The following CLDN14 variants were observed in gnomAD, a reference collection of about 807,000 sequenced individuals.
CLDN14 encodes the protein claudin 14, also known as claudin-14.
Under a neutral mutation model 2.1 loss-of-function variants are expected in CLDN14, and 2 were observed. The observed-to-expected ratio is 0.96, with a 90% CI of 0.39 to 3.01. The LOEUF (loss-of-function observed/expected upper bound fraction) is 3.01, where lower values mean the gene tolerates loss of function less well. CLDN14 is among the 30% of genes most tolerant of loss of function. The pLI is 0.09. For missense variants in CLDN14, 298 were observed against 328.0 expected (o/e 0.91, Z 0.71); for synonymous variants, 136 against 154.4 (o/e 0.88, Z 0.88).
chr21:36,539,734 GTA>G (rs2087468782), intron 1 of CLDN14, among the ~76,000 whole-genome samples: 1 of 150,112 alleles, frequency 6.7e-6, no homozygotes, highest in African/African-American at 2.5e-5. Flanking sequence ...TGTGGAGTGA[GTA>G]TGTGTGCGGA....
chr21:36,481,988 A>C (rs117271359), upstream of CLDN14, among the ~76,000 whole-genome samples: 1,294 of 152,238 alleles, frequency 8.5e-3, 11 homozygotes, highest in Non-Finnish European at 0.014. Context: ...GCTGGTCCCG[A>C]GTCTCCAGCC....
intron 1 of CLDN14, among the ~76,000 whole-genome samples, chr21:36,470,309 C>T (rs2086695082): frequency 6.6e-6 from 1 of 152,038 alleles, no homozygotes; most frequent in African/African-American, 2.4e-5. Context: ...ATAGAGTGGC[C>T]CCTAAGCCAA....
intron 2 of CLDN14, chr21:36,485,913 C>T (rs1182943714): frequency 1.3e-5 from 11 of 850,732 alleles, no homozygotes; most frequent in Admixed American, 5.3e-5. Context: ...AGATAACACA[C>T]ATCTAACCCT....
Position 36,515,217 on chromosome 21 carries a change from A to G in CLDN14, c.-219-4717T>C, listed in dbSNP as rs187797199. On this transcript the variant is annotated intron_variant, in intron 1 of 2. Transcript: ENST00000342108. ...AATTCCGCTGCTGGATACATGCCCA[A>G]AAGAGTGAACGCAGAGACTCAAACA... Among the ~76,000 whole-genome samples the G allele has an allele frequency of 7.2e-5, 11 of 152,320 alleles. No individual in the cohort carries two copies. The East Asian group carries it at 2.1e-3, about 29-fold the overall frequency.
rs533179551 is a variant in CLDN14 at position 36,574,430 on chromosome 21, C to T, written c.-220+1981G>A. Among the ~76,000 whole-genome samples the T allele has an allele frequency of 4.6e-5, 7 of 152,264 alleles. No homozygotes were observed. In the South Asian group the frequency reaches 8.3e-4, roughly 18 times the overall value. On this transcript the variant is annotated intron_variant, in intron 1 of 2. Transcript: ENST00000342108. ...CAACACAGATGAATCTCAAATACAACACAGTAAGCAAAAGAAGCCAAACTC... is the reference window on the plus strand; with the variant it reads ...CAACACAGATGAATCTCAAATACAATACAGTAAGCAAAAGAAGCCAAACTC...
At chr21:36,534,390 G>C (rs370447502) in intron 1 of CLDN14, among the ~76,000 whole-genome samples, 2 of 152,324 alleles carry the variant, frequency 1.3e-5, no homozygotes, top group African/African-American at 4.8e-5. Flanking sequence ...AGCCCAGGAC[G>C]ATCCCCCCGT....
At chr21:36,472,515 T>A (rs928657741) in intron 1 of CLDN14, among the ~76,000 whole-genome samples, 1 of 152,216 alleles carries the variant, frequency 6.6e-6, no homozygotes, top group African/African-American at 2.4e-5. Context: ...TCTGTGAAGT[T>A]AGTCCTTGGA....
upstream of CLDN14, among the ~76,000 whole-genome samples, chr21:36,482,727 G>T (rs2086861067): frequency 6.6e-6 from 1 of 152,106 alleles, no homozygotes; most frequent in Admixed American, 6.5e-5. Flanking sequence ...CTAGAGTAAA[G>T]GTTGTGGTAA....
chr21:36,568,983 TAGC>T, intron 1 of CLDN14, among the ~76,000 whole-genome samples: 1 of 152,390 alleles, frequency 6.6e-6, no homozygotes, highest in Admixed American at 6.5e-5. Flanking sequence ...TGCTGTCTTA[TAGC>T]CCTAAAGTTA....
Position 36,460,800 on chromosome 21 carries a change from C to CCTCTGTCCCTGTG in CLDN14, c.*175_*176insCACAGGGACAGAG. The CCTCTGTCCCTGTG allele has an allele frequency of 2.8e-6, 2 of 705,576 alleles. No individual in the cohort carries two copies. Among genetic ancestry groups the CCTCTGTCCCTGTG allele is most frequent in the African/African-American group, 1.8e-5 (1 of 55,974 alleles). 43.7% of individuals were successfully genotyped at this position (705,576 alleles called of 1,614,324 possible). On this transcript the variant is annotated 3_prime_UTR_variant, in exon 2 of 2. Transcript: ENST00000399135. The surrounding 1 kb of genome is among the most constrained non-coding windows in gnomAD (Gnocchi z 4.0). ...TCTTTGGTATAGAGAGCTTTCTCCTCCTCTTATTTCCCCCTCTGTCCCTGT... is the reference window on the plus strand; with the variant it reads ...TCTTTGGTATAGAGAGCTTTCTCCTCCTCTGTCCCTGTGCTCTTATTTCCCCCTCTGTCCCTGT...
rs574512472 is a variant in CLDN14 at position 36,558,513 on chromosome 21, G to A, written c.-220+17898C>T. ...ACAAGACTTTTACTTCCTTAGTTAA[G>A]TTTATTCCTTTGTGTGTGTGTGAAA... On this transcript the variant is annotated intron_variant, in intron 1 of 2. Transcript: ENST00000342108. 4.6e-5 allele frequency among the ~76,000 whole-genome samples: 7 copies of A among 152,132 alleles called. No individual in the cohort carries two copies. The South Asian group carries it at 1.5e-3, about 32-fold the overall frequency.
At chr21:36,573,316 A>AAG (rs33931983) in intron 1 of CLDN14, among the ~76,000 whole-genome samples, 2 of 151,360 alleles carry the variant, frequency 1.3e-5, no homozygotes, top group Admixed American at 6.6e-5. Context: ...AAAAAAAAAA[A>AAG]GAATTGGAGG....
chr21:36,548,987 C>T (rs990668514), intron 1 of CLDN14, among the ~76,000 whole-genome samples: 3 of 152,154 alleles, frequency 2.0e-5, no homozygotes, highest in Non-Finnish European at 4.4e-5. Context: ...GTTTGGTGGC[C>T]AGCTAGGCTG....
intron 1 of CLDN14, among the ~76,000 whole-genome samples, chr21:36,534,356 T>C (rs938371531): frequency 6.6e-6 from 1 of 151,938 alleles, no homozygotes; most frequent in Non-Finnish European, 1.5e-5. Flanking sequence ...CAACACACGG[T>C]TGACAGGAAA....
chr21:36,491,818 T>A (rs2086968147), intron 2 of CLDN14, among the ~76,000 whole-genome samples: 1 of 152,006 alleles, frequency 6.6e-6, no homozygotes, highest in South Asian at 2.1e-4. Context: ...GACAGGTGCA[T>A]GTGGACAGGC....
chr21:36,541,531 A>G (rs1371766694), intron 1 of CLDN14, among the ~76,000 whole-genome samples: 1 of 152,226 alleles, frequency 6.6e-6, no homozygotes, highest in African/African-American at 2.4e-5. Flanking sequence ...TAATAAAAAG[A>G]AGCATGCTGG....
intron 1 of CLDN14, among the ~76,000 whole-genome samples, chr21:36,473,452 G>T (rs1404955934): frequency 6.6e-6 from 1 of 152,192 alleles, no homozygotes; most frequent in Non-Finnish European, 1.5e-5. Flanking sequence ...AGAATAAATA[G>T]ATCTCTTTCT....
intron 1 of CLDN14, among the ~76,000 whole-genome samples, chr21:36,552,998 A>AC (rs1181467044): frequency 2.0e-5 from 3 of 152,186 alleles, no homozygotes; most frequent in African/African-American, 7.2e-5. Context: ...AAGTGGGATA[A>AC]CCCAGGTTTC....
In CLDN14 at chr21:36,514,073, C is replaced by T. The variant is rs182151996; in HGVS notation, c.-219-3573G>A. 1.2e-3 allele frequency among the ~76,000 whole-genome samples: 190 copies of T among 152,154 alleles called. 2 individuals are homozygous for T. The highest frequency in any genetic ancestry group is 4.4e-3 in the African/African-American group (183 of 41,524). On this transcript the variant is annotated intron_variant, in intron 1 of 2. Transcript: ENST00000342108. ...GGTTTCTCACGTTGCCCAGGCTGGT[C>T]TCAAACTCCTGGGCTCAAGTGATCC...
Sources: allele counts gnomAD v4.1 joint callset (sites outside exome capture counted in the v4.1 genomes callset), GRCh38; gene constraint gnomAD v4.1.1; non-coding constraint Gnocchi (gnomAD v3.1); transcripts MANE v1.5; gene names NCBI Gene and HGNC (gene_info 2026-07-23, HGNC 2026-07-21).